GRIA4: variants seen among roughly 807,000 people sequenced by gnomAD.
GRIA4 encodes glutamate receptor 4.
In GRIA4, 34 loss-of-function variants were observed where a neutral mutation model predicts 104.0. The ratio of observed to expected loss-of-function variants is 0.33; its 90% confidence interval spans 0.25 to 0.44. The LOEUF (loss-of-function observed/expected upper bound fraction) is 0.44, where lower values mean the gene tolerates loss of function less well. Ranked by LOEUF, GRIA4 falls within the 20% of genes least tolerant of loss-of-function variation. GRIA4 has a pLI of 1.00. For synonymous variants in GRIA4, 386 were observed against 381.9 expected (o/e 1.01, Z -0.13); for missense variants, 750 against 1,096.5 (o/e 0.68, Z 4.46).
Position 105,753,087 on chromosome 11 carries a change from C to T in GRIA4, c.354C>T (p.Ile118=). ...SFCSALHISL[I]TPSFPTEGES... ...GCAGCGCCTTACATATCTCCCTCAT[C>T]ACACCAAGTTTCCCTACTGAGGGGG... Residue 118 remains isoleucine, a synonymous_variant, in exon 4 of 17, where the codon ATC becomes ATT. Coordinates refer to ENST00000282499, the MANE Select transcript of GRIA4 (RefSeq NM_000829.4). 1 of 1,613,848 alleles carries T rather than the reference C, an allele frequency of 6.2e-7. No homozygotes were observed. The highest frequency in any genetic ancestry group is 8.5e-7 in the Non-Finnish European group (1 of 1,179,862).
chr11:105,838,682 ATCT>A (rs1944279965), intron 4 of GRIA4, among the ~76,000 whole-genome samples: 1 of 152,206 alleles, frequency 6.6e-6, no homozygotes, highest in African/African-American at 2.4e-5. Flanking sequence ...CGCTATTAAA[ATCT>A]TCAATAACCA....
intron 5 of GRIA4, among the ~76,000 whole-genome samples, chr11:105,875,484 G>T (rs1945783668): frequency 6.6e-6 from 1 of 152,166 alleles, no homozygotes; most frequent in South Asian, 2.1e-4. Flanking sequence ...GTTTCAGAAG[G>T]AATGGTACCA....
intron 3 of GRIA4, among the ~76,000 whole-genome samples, chr11:105,688,109 T>C (rs1480015194): frequency 1.4e-5 from 1 of 71,160 alleles, no homozygotes; most frequent in Non-Finnish European, 3.1e-5. Context: ...GTCTCATATC[T>C]ATATCTATAT....
intron 4 of GRIA4, among the ~76,000 whole-genome samples, chr11:105,860,784 C>G (rs1424111022): frequency 6.6e-6 from 1 of 151,806 alleles, no homozygotes; most frequent in South Asian, 2.1e-4. Context: ...TATGGTAAAA[C>G]CCTGGCTCTA....
intron 3 of GRIA4, among the ~76,000 whole-genome samples, chr11:105,673,215 G>A (rs1952429868): frequency 1.3e-5 from 2 of 152,032 alleles, no homozygotes; most frequent in Admixed American, 6.6e-5. Flanking sequence ...TCAGTGCATT[G>A]TACTGCCTAC....
At chr11:105,940,008 C>A (rs1948143273) in intron 14 of GRIA4, among the ~76,000 whole-genome samples, 1 of 152,122 alleles carries the variant, frequency 6.6e-6, no homozygotes, top group African/African-American at 2.4e-5. Flanking sequence ...GTGGATTCCT[C>A]CCCTTATGAT....
chr11:105,806,638 G>A (rs1942963796), intron 4 of GRIA4, among the ~76,000 whole-genome samples: 1 of 151,586 alleles, frequency 6.6e-6, no homozygotes, highest in South Asian at 2.1e-4. Flanking sequence ...AAGAAAACAG[G>A]CTGTGAAATG....
intron 4 of GRIA4, among the ~76,000 whole-genome samples, chr11:105,808,160 A>G (rs1235026930): frequency 1.3e-5 from 2 of 151,862 alleles, no homozygotes; most frequent in African/African-American, 4.8e-5. Flanking sequence ...ATTGTTCTCT[A>G]TTTATTCATC....
chr11:105,979,155 CTTCATTAG>C (rs1172947743), intron 16 of GRIA4, among the ~76,000 whole-genome samples: 3 of 152,138 alleles, frequency 2.0e-5, no homozygotes, highest in Non-Finnish European at 2.9e-5. Context: ...TGTTTAGGTA[CTTCATTAG>C]TTCTGGTAGT....
intron 3 of GRIA4, among the ~76,000 whole-genome samples, chr11:105,644,505 G>A (rs1591491702): frequency 1.3e-5 from 2 of 152,044 alleles, no homozygotes; most frequent in East Asian, 1.9e-4. Context: ...TCAGGTGGCT[G>A]AGGTGAGGGG....
intron 7 of GRIA4, 41 bp from the exon 8 acceptor site, chr11:105,903,773 G>A (rs1565330052): frequency 7.0e-7 from 1 of 1,421,790 alleles, no homozygotes; most frequent in Non-Finnish European, 9.9e-7. Context: ...CACTCGATAA[G>A]ATTTTAACAT....
At chr11:105,627,158 C>T (rs1005571064) in intron 3 of GRIA4, among the ~76,000 whole-genome samples, 3 of 152,098 alleles carry the variant, frequency 2.0e-5, no homozygotes, top group Non-Finnish European at 4.4e-5. Context: ...TTGAAAGACG[C>T]ATGAGATTCT....
At position 105,806,712 on chromosome 11, in the gene GRIA4, T is replaced by C. The variant is rs79886180; in HGVS notation, c.487+53492T>C. Among the ~76,000 whole-genome samples the C allele has an allele frequency of 3.8e-3, 571 of 151,360 alleles. 2 individuals carry two copies. Among genetic ancestry groups the C allele is most frequent in the African/African-American group, 0.013 (545 of 41,164 alleles). On this transcript the variant is annotated intron_variant, in intron 4 of 16. Transcript: ENST00000282499. The stretch of plus-strand genomic sequence containing the variant: ...AGCTTTTTAGTGCCTTATTTGTAAA[T>C]ATTAGTGCACAGCCACTGAGAAATT...
intron 5 of GRIA4, among the ~76,000 whole-genome samples, chr11:105,886,696 TATC>T (rs1306707009): frequency 6.6e-6 from 1 of 152,168 alleles, no homozygotes; most frequent in Non-Finnish European, 1.5e-5. Flanking sequence ...CTTTCACTGT[TATC>T]ATTGACGACA....
In GRIA4 at chr11:105,786,956, T is replaced by C. The variant is rs73540360; in HGVS notation, c.487+33736T>C. Among the ~76,000 whole-genome samples, 1,521 of 152,252 alleles carry C rather than the reference T, an allele frequency of 1.0e-2. 26 individuals are homozygous for C. The highest frequency in any genetic ancestry group is 0.034 in the African/African-American group (1,428 of 41,544). On this transcript the variant is annotated intron_variant, in intron 4 of 16. Transcript: ENST00000282499. The stretch of plus-strand genomic sequence containing the variant: ...CTATCAGAGCCAACACTCACCCCCA[T>C]GGAGACAGGCATTGTTCTCTGACTC...
chr11:105,863,050 G>A (rs1945284017), intron 5 of GRIA4, among the ~76,000 whole-genome samples: 1 of 152,092 alleles, frequency 6.6e-6, no homozygotes, highest in Admixed American at 6.6e-5. Flanking sequence ...ATAATTTTTT[G>A]TTGGTTAGTT....
chr11:105,866,567 A>G (rs1223967824), intron 5 of GRIA4, among the ~76,000 whole-genome samples: 3 of 114,852 alleles, frequency 2.6e-5, no homozygotes, highest in South Asian at 5.1e-4. Flanking sequence ...ATATATATAT[A>G]TATATATATA....
At chr11:105,894,869 G>A (rs1486694799) in intron 6 of GRIA4, among the ~76,000 whole-genome samples, 1 of 101,542 alleles carries the variant, frequency 9.8e-6, no homozygotes, top group East Asian at 2.9e-4. Flanking sequence ...GCGCAATCTC[G>A]GCTCACTGCA....
At chr11:105,704,727 A>G (rs1255588205) in intron 3 of GRIA4, among the ~76,000 whole-genome samples, 1 of 152,176 alleles carries the variant, frequency 6.6e-6, no homozygotes, top group African/African-American at 2.4e-5. Flanking sequence ...TAAGATTTCT[A>G]TAAGAAAAAT....
Sources: gnomAD v4.1 joint callset for allele counts (sites outside exome capture counted in the v4.1 genomes callset) on GRCh38, gnomAD v4.1.1 for gene constraint, MANE v1.5 for transcripts, NCBI Gene and HGNC (gene_info 2026-07-23, HGNC 2026-07-21) for gene names.